Variants in VPS29 observed in about 807,000 individuals in gnomAD.
VPS29 encodes VPS29 retromer complex component, also known as vacuolar protein sorting-associated protein 29.
VPS29 carries 2 observed loss-of-function variants against 20.0 expected under a neutral mutation model. That is an observed-to-expected ratio of 0.10 (90% confidence interval 0.04 to 0.31). The LOEUF is 0.31. VPS29 is among the 10% of genes least tolerant of loss of function. The pLI, the probability that VPS29 is intolerant of heterozygous loss-of-function variation, is 1.00. For missense variants in VPS29, 120 were observed against 215.3 expected, an observed-to-expected ratio of 0.56 and a Z score of 2.77; for synonymous variants, 81 against 79.3, an observed-to-expected ratio of 1.02 and a Z score of -0.12.
rs550491793 is a variant in VPS29, at chr12:110,493,225, T to G, written c.202A>C (p.Asn68His). ...GTCACAACTTTCTGTTCTGGATAAT[T>G]CAGATTCTAACATAAGAAAAAGACG... ...IVRGDFDENLNYPEQKVVTVG... is the reference protein window; with the variant it reads ...IVRGDFDENLHYPEQKVVTVG... The change falls in exon 3 of 4, where the codon AAT becomes CAT. Residue 68 changes from asparagine (N) to histidine (H), a missense_variant. Asn to His is a moderately conservative substitution (Grantham distance 68). Coordinates refer to ENST00000549578, the MANE Select transcript of VPS29 (RefSeq NM_016226.5). 57 of 1,512,334 alleles carry G rather than the reference T, an allele frequency of 3.8e-5. No individual in the cohort carries two copies. Among genetic ancestry groups the G allele is most frequent in the Non-Finnish European group, 4.6e-5 (52 of 1,130,048 alleles). The allele number at this position is 1,512,334 out of a possible 1,614,324, so 93.7% of individuals were successfully genotyped here. A position where few individuals can be genotyped will look rare whatever the true frequency, so the allele number is the denominator to read the frequency against.
chr12:110,501,460 A>C, intron 1 of VPS29: 2 of 1,535,492 alleles, frequency 1.3e-6, no homozygotes, highest in Non-Finnish European at 1.7e-6. Flanking sequence ...AGTTCCAGCA[A>C]TTGCAAGCGC....
chr12:110,496,009 C>T lies in VPS29; in HGVS notation c.195+3G>A. On this transcript the variant is annotated splice_donor_region_variant and intron_variant, in intron 2 of 3. Coordinates refer to ENST00000549578, the MANE Select transcript of VPS29 (RefSeq NM_016226.5). ...TTTGAGAAGGGAAAGGGAAATACAT[C>T]ACCTCATCGAAGTCTCCTCTCACAA... 4 of 1,527,634 alleles carry T rather than the reference C, an allele frequency of 2.6e-6. No homozygotes were observed. The highest frequency in any genetic ancestry group is 3.6e-6 in the Non-Finnish European group (4 of 1,121,632). 94.6% of individuals were successfully genotyped at this position (1,527,634 alleles called of 1,614,324 possible). A position where few individuals can be genotyped will look rare whatever the true frequency, so the allele number is the denominator to read the frequency against.
chr12:110,500,238 G>A (rs1020013261), intron 1 of VPS29, among the ~76,000 whole-genome samples: 4 of 152,192 alleles, frequency 2.6e-5, no homozygotes, highest in Admixed American at 6.5e-5. Context: ...TGTACTGAGT[G>A]TTGAACGTCT....
intron 2 of VPS29, 106 bp from the exon 3 acceptor site, chr12:110,493,337 T>C: frequency 1.3e-6 from 1 of 779,044 alleles, no homozygotes; most frequent in Admixed American, 3.8e-5. Context: ...TTTGATGTAG[T>C]ACCCCACAAC....
chr12:110,492,793 T>A, intron 3 of VPS29: 2 of 480,584 alleles, frequency 4.2e-6, no homozygotes, highest in Non-Finnish European at 7.4e-6. Flanking sequence ...AGCTAATTTT[T>A]AAAATTTTTT....
chr12:110,498,022 A>G (rs2135590771), intron 1 of VPS29, among the ~76,000 whole-genome samples: 1 of 139,218 alleles, frequency 7.2e-6, no homozygotes, highest in East Asian at 2.4e-4. Flanking sequence ...CCCAGGCTGG[A>G]GTGCAATGGT....
At chr12:110,499,611 A>C in intron 1 of VPS29, 5 of 1,290,156 alleles carry the variant, frequency 3.9e-6, no homozygotes, top group Non-Finnish European at 5.5e-6. Context: ...AAACATGACC[A>C]ATGTTAAAAG....
chr12:110,501,195 A>C (rs965539011), intron 1 of VPS29, among the ~76,000 whole-genome samples: 16 of 151,970 alleles, frequency 1.1e-4, no homozygotes, highest in Non-Finnish European at 2.1e-4. Flanking sequence ...AAGAAAGAAA[A>C]TATGATTACA....
At chr12:110,496,874 T>C (rs187700664) in intron 1 of VPS29, 16 of 152,334 alleles carry the variant, frequency 1.1e-4, no homozygotes, top group Admixed American at 7.8e-4. Context: ...TTCAGTTTCA[T>C]CAGGTAAATG....
chr12:110,494,353 C>T (rs918298202), intron 2 of VPS29, among the ~76,000 whole-genome samples: 3 of 150,100 alleles, frequency 2.0e-5, no homozygotes, highest in Admixed American at 6.7e-5. Flanking sequence ...CCCAGGTTCA[C>T]GCCATTCTCC....
At chr12:110,497,124 CAG>C (rs1332999510) in intron 1 of VPS29, 1 of 150,896 alleles carries the variant, frequency 6.6e-6, no homozygotes, top group Non-Finnish European at 1.5e-5. Flanking sequence ...AACATAGTCT[CAG>C]ATGACAAAAG....
chr12:110,493,770 G>C (rs1236969472), intron 2 of VPS29, among the ~76,000 whole-genome samples: 1 of 152,056 alleles, frequency 6.6e-6, no homozygotes, highest in East Asian at 1.9e-4. Context: ...CCTTTATTGT[G>C]TTTATTCCTA....
chr12:110,491,964 A>G lies in VPS29; in HGVS notation c.*41T>C. On this transcript the variant is annotated 3_prime_UTR_variant, in exon 4 of 4. Transcript: ENST00000549578. ...TGTTTAATTACTTGATTTCAACAGG[A>G]CAATGAAAAAAAACCAAAAATCATC... The G allele has an allele frequency of 2.8e-6, 4 of 1,413,954 alleles. No individual in the cohort carries two copies. The highest frequency in any genetic ancestry group is 4.0e-6 in the Non-Finnish European group (4 of 1,003,986). The allele number at this position is 1,413,954 out of a possible 1,614,324, so 87.6% of individuals were successfully genotyped here.
intron 1 of VPS29, among the ~76,000 whole-genome samples, chr12:110,498,591 A>G (rs2135593174): frequency 6.6e-6 from 1 of 152,358 alleles, no homozygotes; most frequent in East Asian, 1.9e-4. Flanking sequence ...TTACCAGGAC[A>G]CAGAGTTATC....
chr12:110,501,237 T>C (rs2063030039), intron 1 of VPS29, among the ~76,000 whole-genome samples: 1 of 151,920 alleles, frequency 6.6e-6, no homozygotes, highest in African/African-American at 2.4e-5. Context: ...AGGCCCCCAG[T>C]TTTTATGTAG....
chr12:110,497,918 A>AAAAC (rs1182747014), intron 1 of VPS29, among the ~76,000 whole-genome samples: 1 of 152,028 alleles, frequency 6.6e-6, no homozygotes, highest in South Asian at 2.1e-4. Flanking sequence ...ACTCTGTCTC[A>AAAAC]AAACAAACAA....
At chr12:110,499,110 T>C (rs2062953735) in intron 1 of VPS29, 1 of 157,614 alleles carries the variant, frequency 6.3e-6, no homozygotes, top group Non-Finnish European at 1.4e-5. Flanking sequence ...GACCTAATTC[T>C]ATAAAGTACT....
In VPS29 at chr12:110,496,174, G is replaced by A. The variant is rs1471419646; in HGVS notation, c.33C>T (p.Ile11=). ...CTGGCAAACTGTTGCACCGGTGTGG[G>A]ATGTGCAGATCTCCTAATACCAACA... MLVLVLGDLH[I]PHRCNSLPAK... is the part of the protein sequence containing the mutation. The change falls in exon 2 of 4, where the codon ATC becomes ATT. Residue 11 remains isoleucine, a synonymous_variant. Transcript: ENST00000549578. 3 of 1,613,228 alleles carry A rather than the reference G, an allele frequency of 1.9e-6. No homozygotes were observed. The highest frequency in any genetic ancestry group is 1.1e-5 in the South Asian group (1 of 91,006).
intron 1 of VPS29, chr12:110,499,316 C>T (rs1439069219): frequency 3.9e-6 from 2 of 517,312 alleles, no homozygotes; most frequent in African/African-American, 3.9e-5. Flanking sequence ...CCAAATTCCA[C>T]ACTTTGACAA....
Sources: allele counts gnomAD v4.1 joint callset (sites outside exome capture counted in the v4.1 genomes callset), GRCh38; gene constraint gnomAD v4.1.1; transcripts MANE v1.5; gene names NCBI Gene and HGNC (gene_info 2026-07-23, HGNC 2026-07-21).